The following UNC13C variants were observed in gnomAD, a reference collection of about 807,000 sequenced individuals.
UNC13C encodes protein unc-13 homolog C.
In UNC13C, 174 loss-of-function variants were observed where a neutral mutation model predicts 245.4. The observed-to-expected ratio is 0.71, with a 90% confidence interval of 0.63 to 0.80. The LOEUF is 0.80. Among genes scored for constraint, UNC13C ranks in the 30% least tolerant of loss-of-function variants. The pLI, the probability that UNC13C is intolerant of heterozygous loss-of-function variation, is 0.00. For synonymous variants in UNC13C, 992 were observed against 895.1 expected (o/e 1.11, Z -1.93); for missense variants, 2,829 against 2,602.9 (o/e 1.09, Z -1.89).
intron 1 of UNC13C, among the ~76,000 whole-genome samples, chr15:53,989,910 G>C (rs902662667): frequency 2.0e-5 from 3 of 151,934 alleles, no homozygotes; most frequent in Admixed American, 2.0e-4. Context: ...GTCATGATAA[G>C]GAAACCAGAG....
chr15:53,971,598 G>C, the UNC13C span, among the ~76,000 whole-genome samples: 2 of 152,156 alleles, frequency 1.3e-5, no homozygotes, highest in South Asian at 4.1e-4. Context: ...TCTACTAGCT[G>C]TTGGAATTTC....
chr15:53,932,337 AC>A, the UNC13C span, among the ~76,000 whole-genome samples: 71,388 of 151,538 alleles, frequency 0.47, 17,081 homozygotes, highest in East Asian at 0.63. Flanking sequence ...AACAACAACA[AC>A]AACAAACAGT....
intron 2 of UNC13C, among the ~76,000 whole-genome samples, chr15:54,092,833 C>T (rs533988371): frequency 2.0e-5 from 3 of 151,950 alleles, no homozygotes; most frequent in Non-Finnish European, 4.4e-5. Context: ...TTGATATTAC[C>T]TCATTGGCCA....
chr15:54,479,494 C>T (rs1229364546), intron 19 of UNC13C, among the ~76,000 whole-genome samples: 1 of 152,042 alleles, frequency 6.6e-6, no homozygotes, highest in Non-Finnish European at 1.5e-5. Context: ...TTTTAGGCAG[C>T]ATACAGTCAG....
In UNC13C at chr15:54,500,070, T is replaced by G; in HGVS notation, c.5061-9T>G. 1 of 1,588,264 alleles carries G rather than the reference T, an allele frequency of 6.3e-7. No homozygotes were observed. Among genetic ancestry groups the G allele is most frequent in the Non-Finnish European group, 8.6e-7 (1 of 1,168,638 alleles). Reference sequence around the variant, plus strand: ...CTTTGTGGTATGTAACATTATTAATTTGTTATAGGTGGTTTGAACCTTTTG... The same window carrying G: ...CTTTGTGGTATGTAACATTATTAATGTGTTATAGGTGGTTTGAACCTTTTG... On this transcript the variant is annotated splice_polypyrimidine_tract_variant and intron_variant, in intron 20 of 32. Coordinates refer to ENST00000260323, the MANE Select transcript of UNC13C (RefSeq NM_001080534.3).
At chr15:54,062,235 C>T (rs573844450) in intron 2 of UNC13C, among the ~76,000 whole-genome samples, 1 of 151,502 alleles carries the variant, frequency 6.6e-6, no homozygotes, top group African/African-American at 2.4e-5. Flanking sequence ...AGGAGAATCG[C>T]TTGAACTTGG....
chr15:54,481,904 C>T (rs1043297561), intron 19 of UNC13C, among the ~76,000 whole-genome samples: 4 of 152,144 alleles, frequency 2.6e-5, no homozygotes, highest in Non-Finnish European at 4.4e-5. Flanking sequence ...ACAAATCTCT[C>T]CTCAGGTCCC....
At chr15:54,347,045 C>T (rs2038875074) in intron 17 of UNC13C, among the ~76,000 whole-genome samples, 1 of 152,118 alleles carries the variant, frequency 6.6e-6, no homozygotes, top group South Asian at 2.1e-4. Flanking sequence ...GAACCTGGAA[C>T]AAGAGCAGGA....
chr15:53,877,174 T>C, the UNC13C span, among the ~76,000 whole-genome samples: 3 of 152,184 alleles, frequency 2.0e-5, no homozygotes, highest in African/African-American at 7.2e-5. Context: ...CAAAAATCCG[T>C]GTTAATAAGT....
chr15:54,089,888 G>A (rs552806284), intron 2 of UNC13C, among the ~76,000 whole-genome samples: 2 of 152,138 alleles, frequency 1.3e-5, no homozygotes, highest in Non-Finnish European at 2.9e-5. Context: ...TGACTTGTGG[G>A]AGTGGGAGTG....
intron 26 of UNC13C, among the ~76,000 whole-genome samples, chr15:54,534,907 G>A (rs759024144): frequency 6.6e-6 from 1 of 152,112 alleles, no homozygotes; most frequent in African/African-American, 2.4e-5. Flanking sequence ...GTCCCTAAGG[G>A]AGTGCTAAAC....
At chr15:54,325,540 C>T (rs536809755) in intron 14 of UNC13C, among the ~76,000 whole-genome samples, 1 of 152,110 alleles carries the variant, frequency 6.6e-6, no homozygotes, top group African/African-American at 2.4e-5. Context: ...AGGTGTTTCT[C>T]CTAATGCTAT....
At chr15:53,943,916 C>T in the UNC13C span, among the ~76,000 whole-genome samples, 5 of 151,984 alleles carry the variant, frequency 3.3e-5, no homozygotes, top group Admixed American at 3.3e-4. Flanking sequence ...GTGTTTTTAT[C>T]TGATAGTAGC....
chr15:54,154,612 T>C (rs2032662550), intron 4 of UNC13C, among the ~76,000 whole-genome samples: 1 of 152,200 alleles, frequency 6.6e-6, no homozygotes, highest in Non-Finnish European at 1.5e-5. Context: ...TTTCCGTTTT[T>C]TCCCCTTATT....
chr15:54,078,933 T>C (rs1328422644), intron 2 of UNC13C, among the ~76,000 whole-genome samples: 3 of 152,196 alleles, frequency 2.0e-5, no homozygotes, highest in Non-Finnish European at 2.9e-5. Context: ...CTAGAATTTT[T>C]ATAGTTTCAG....
intron 4 of UNC13C, among the ~76,000 whole-genome samples, chr15:54,186,538 C>A (rs1280736272): frequency 1.3e-5 from 2 of 151,428 alleles, no homozygotes; most frequent in African/African-American, 4.9e-5. Context: ...ACAAATTTAT[C>A]TTTTAATTTC....
intron 2 of UNC13C, chr15:54,048,749 A>G (rs929171228): frequency 2.5e-5 from 7 of 282,452 alleles, no homozygotes; most frequent in Middle Eastern, 4.3e-4. Context: ...GAATAACAGG[A>G]TATGGTGATA....
At chr15:54,564,089 C>T (rs901479794) in intron 29 of UNC13C, among the ~76,000 whole-genome samples, 3 of 151,934 alleles carry the variant, frequency 2.0e-5, no homozygotes, top group Non-Finnish European at 4.4e-5. Flanking sequence ...GAGCCTATGG[C>T]GTATGTTATT....
chr15:54,157,030 G>T (rs1300192927), intron 4 of UNC13C, among the ~76,000 whole-genome samples: 2 of 152,142 alleles, frequency 1.3e-5, no homozygotes, highest in Admixed American at 6.5e-5. Flanking sequence ...AGGACTGTAT[G>T]TGAACTTGAG....
Sources: allele counts gnomAD v4.1 joint callset (sites outside exome capture counted in the v4.1 genomes callset), GRCh38; gene constraint gnomAD v4.1.1; transcripts MANE v1.5; gene names NCBI Gene and HGNC (gene_info 2026-07-23, HGNC 2026-07-21).